The following TLK2 variants were observed in gnomAD, a reference collection of about 807,000 sequenced individuals.
TLK2 encodes the protein serine/threonine-protein kinase tousled-like 2.
A neutral mutation model predicts 117.3 loss-of-function variants in TLK2; 6 were observed. The observed-to-expected ratio is 0.05, with a 90% CI of 0.03 to 0.10. The LOEUF (loss-of-function observed/expected upper bound fraction) is 0.10, where lower values mean the gene tolerates loss of function less well. Ranked by LOEUF, TLK2 falls within the 10% of genes least tolerant of loss-of-function variation. The pLI, the probability that TLK2 is intolerant of heterozygous loss-of-function variation, is 1.00. For missense variants in TLK2, 299 were observed against 901.2 expected (o/e 0.33, Z 8.56); for synonymous variants, 257 against 316.7 (o/e 0.81, Z 2.00).
intron 9 of TLK2, among the ~76,000 whole-genome samples, chr17:62,556,406 A>T (rs1429327436): frequency 1.3e-5 from 2 of 152,190 alleles, no homozygotes; most frequent in African/African-American, 4.8e-5. Flanking sequence ...TGATGGTGGT[A>T]CATTTTTAAG....
chr17:62,580,095 T>C lies in TLK2; in HGVS notation c.1287-16T>C. On this transcript the variant is annotated splice_polypyrimidine_tract_variant and intron_variant, in intron 14 of 21. Transcript: ENST00000346027. Reference sequence around the variant, plus strand: ...GTCCATGATCTCAGGGTGTTACATGTTCCCTGTTTCCACAGATTTAAAGAT... The same window carrying C: ...GTCCATGATCTCAGGGTGTTACATGCTCCCTGTTTCCACAGATTTAAAGAT... 2.5e-6 allele frequency: 4 copies of C among 1,609,588 alleles called. No homozygotes were observed. Among genetic ancestry groups the C allele is most frequent in the Non-Finnish European group, 3.4e-6 (4 of 1,177,168 alleles).
chr17:62,489,452 G>A (rs563989317), intron 2 of TLK2, among the ~76,000 whole-genome samples: 2 of 152,070 alleles, frequency 1.3e-5, no homozygotes, highest in South Asian at 2.1e-4. Context: ...CAGGCGATCC[G>A]CCAGCCTTGG....
At chr17:62,495,786 G>C (rs2144809548) in intron 2 of TLK2, among the ~76,000 whole-genome samples, 1 of 151,394 alleles carries the variant, frequency 6.6e-6, no homozygotes, top group East Asian at 1.9e-4. Context: ...AGCCTCCCGA[G>C]TAGCTCGGAT....
At chr17:62,559,683 A>T (rs1353795777) in intron 9 of TLK2, among the ~76,000 whole-genome samples, 2 of 151,996 alleles carry the variant, frequency 1.3e-5, no homozygotes, top group South Asian at 2.1e-4. Context: ...CAGCTTTAAC[A>T]TTTTTTTAAT....
intron 16 of TLK2, among the ~76,000 whole-genome samples, chr17:62,589,893 G>A (rs1198299817): frequency 1.3e-5 from 2 of 151,692 alleles, no homozygotes; most frequent in East Asian, 2.0e-4. Context: ...TGCAAGCTCC[G>A]CCTCCTGGGT....
upstream of TLK2, among the ~76,000 whole-genome samples, chr17:62,478,606 G>A (rs959133919): frequency 2.0e-5 from 3 of 150,830 alleles, no homozygotes; most frequent in East Asian, 4.0e-4. Flanking sequence ...TTCCTCCGCC[G>A]GCGCGGGGTC....
chr17:62,472,652 C>T (rs2070963394), intron 1 of TLK2, among the ~76,000 whole-genome samples: 1 of 151,768 alleles, frequency 6.6e-6, no homozygotes, highest in African/African-American at 2.4e-5. Flanking sequence ...GCAGGAGAAT[C>T]TCTTGAATCC....
intron 7 of TLK2, among the ~76,000 whole-genome samples, chr17:62,544,045 A>T (rs768998737): frequency 6.6e-6 from 1 of 151,644 alleles, no homozygotes; most frequent in Non-Finnish European, 1.5e-5. Flanking sequence ...TTTTTTTTGC[A>T]TGTGTATATC....
intron 20 of TLK2, among the ~76,000 whole-genome samples, 172 bp from the exon 21 acceptor site, chr17:62,607,869 C>G (rs540882097): frequency 2.1e-4 from 32 of 152,288 alleles, no homozygotes; most frequent in Non-Finnish European, 3.8e-4. Context: ...GCTCTGAGCT[C>G]TCAACCCCTT....
At chr17:62,598,770 G>T (rs1352843114) in intron 17 of TLK2, among the ~76,000 whole-genome samples, 3 of 151,870 alleles carry the variant, frequency 2.0e-5, no homozygotes, top group Non-Finnish European at 2.9e-5. Flanking sequence ...TGATCCGCCC[G>T]CCTGGGCCTC....
chr17:62,505,391 GCA>G (rs2074586701), intron 2 of TLK2, among the ~76,000 whole-genome samples: 1 of 122,094 alleles, frequency 8.2e-6, no homozygotes, highest in Non-Finnish European at 1.7e-5. Flanking sequence ...CTACAGTCAT[GCA>G]CTACCATACC....
intron 2 of TLK2, among the ~76,000 whole-genome samples, chr17:62,482,163 G>C (rs1736682755): frequency 6.6e-6 from 1 of 151,878 alleles, no homozygotes; most frequent in South Asian, 2.1e-4. Flanking sequence ...TGGCCAGGCT[G>C]GTCTCGAACT....
chr17:62,552,549 G>A (rs1260463066), intron 8 of TLK2, 152 bp downstream of exon 8: 1 of 1,356,732 alleles, frequency 7.4e-7, no homozygotes, highest in African/African-American at 1.5e-5. Flanking sequence ...TGCATTATGG[G>A]TATTTAAAGT....
At position 62,482,007 on chromosome 17, in the gene TLK2, G is replaced by A. The variant is rs1407546054; in HGVS notation, c.81+801G>A. Among the ~76,000 whole-genome samples the A allele has an allele frequency of 3.3e-5, 5 of 152,012 alleles. No homozygotes were observed. The East Asian group carries it at 7.8e-4, about 24-fold the overall frequency. On this transcript the variant is annotated intron_variant, in intron 2 of 21. Transcript: ENST00000346027. ...GTCGCCGAGGCTGGAGTGCAATGGC[G>A]TGATCTCGGCTCACTGCAGCCTCCA...
intron 2 of TLK2, among the ~76,000 whole-genome samples, chr17:62,482,869 A>C (rs942366971): frequency 6.6e-6 from 1 of 152,162 alleles, no homozygotes; most frequent in Non-Finnish European, 1.5e-5. Context: ...GTATGGGGAG[A>C]GAGAGATGAT....
chr17:62,610,252 A>T (rs1049757114), intron 21 of TLK2, among the ~76,000 whole-genome samples: 16 of 152,252 alleles, frequency 1.1e-4, no homozygotes, highest in Non-Finnish European at 1.9e-4. Context: ...TCTGTGCATT[A>T]TCTCCTGTGT....
chr17:62,601,994 C>T (rs982700019), intron 18 of TLK2, 48 bp from the exon 19 acceptor site: 28 of 1,565,884 alleles, frequency 1.8e-5, no homozygotes, highest in Non-Finnish European at 2.4e-5. Context: ...GGGTTTTTCT[C>T]TTAAATCAGT....
intron 13 of TLK2, among the ~76,000 whole-genome samples, chr17:62,577,457 TAGC>T (rs568934933): frequency 6.6e-6 from 1 of 152,222 alleles, no homozygotes; most frequent in South Asian, 2.1e-4. Context: ...TCAAATCACA[TAGC>T]AGCTCTTATT....
intron 2 of TLK2, among the ~76,000 whole-genome samples, chr17:62,515,615 C>G (rs941237551): frequency 6.6e-6 from 1 of 152,038 alleles, no homozygotes; most frequent in Non-Finnish European, 1.5e-5. Context: ...TGGTCGTTGG[C>G]CATTTTTATA....
Sources: gnomAD v4.1 joint callset for allele counts (sites outside exome capture counted in the v4.1 genomes callset) on GRCh38, gnomAD v4.1.1 for gene constraint, MANE v1.5 for transcripts, NCBI Gene and HGNC (gene_info 2026-07-23, HGNC 2026-07-21) for gene names.